AASS: variants seen among roughly 807,000 people sequenced by gnomAD.
AASS encodes aminoadipate-semialdehyde synthase.
AASS carries 86 observed loss-of-function variants against 105.4 expected under a neutral mutation model. The observed-to-expected ratio is 0.82, with a 90% confidence interval of 0.69 to 0.98. AASS has a LOEUF of 0.98. Among genes scored for constraint, AASS ranks in the 50% least tolerant of loss-of-function variants. The probability of loss-of-function intolerance (pLI) is 0.00; values close to 1 mark genes in which losing one functional copy is unlikely to be tolerated. For synonymous variants in AASS, 381 were observed against 394.8 expected, an observed-to-expected ratio of 0.96 and a Z score of 0.41; for missense variants, 1,048 against 1,143.2, an observed-to-expected ratio of 0.92 and a Z score of 1.20.
At chr7:122,093,011 G>A (rs1372009712) in intron 16 of AASS, 37 bp downstream of exon 16, 5 of 1,608,948 alleles carry the variant, frequency 3.1e-6, no homozygotes, top group East Asian at 2.2e-5. Flanking sequence ...ACAATGCCAT[G>A]GATCCACTCA....
chr7:122,123,093 T>G (rs1364981072), intron 4 of AASS, among the ~76,000 whole-genome samples: 1 of 152,148 alleles, frequency 6.6e-6, no homozygotes, highest in Non-Finnish European at 1.5e-5. Context: ...TTCCATAGAG[T>G]TCCCTGGCAA....
intron 19 of AASS, among the ~76,000 whole-genome samples, chr7:122,085,349 CT>C (rs533085632): frequency 2.0e-4 from 30 of 152,226 alleles, no homozygotes; most frequent in African/African-American, 6.5e-4. Flanking sequence ...CTTGTAACTG[CT>C]TTTTTTGTGA....
At chr7:122,126,624 C>G (rs1795668833) in intron 3 of AASS, among the ~76,000 whole-genome samples, 165 bp from the exon 4 acceptor site, 1 of 152,044 alleles carries the variant, frequency 6.6e-6, no homozygotes, top group Non-Finnish European at 1.5e-5. Flanking sequence ...TAGAAAACGC[C>G]AGGTAGCAAA....
In AASS at chr7:122,098,364, T is replaced by C. The variant is rs566072035; in HGVS notation, c.1655+86A>G. 93 of 1,509,258 alleles carry C rather than the reference T, an allele frequency of 6.2e-5. No homozygotes were observed. The South Asian group carries it at 8.6e-4, about 14-fold the overall frequency. 93.5% of individuals were successfully genotyped at this position (1,509,258 alleles called of 1,614,324 possible). On this transcript the variant is annotated intron_variant, in intron 15 of 23. Transcript: ENST00000417368. ...TTAAAAACTTTACTCCAAAGGAGTA[T>C]GAAGAGAGGAGAAGTGAAAGAGAAA...
chr7:122,101,321 TC>T, intron 13 of AASS, 49 bp downstream of exon 13: 1 of 1,422,746 alleles, frequency 7.0e-7, no homozygotes, highest in Non-Finnish European at 9.9e-7. Context: ...ACTCATGAAT[TC>T]CAAGATAAGA....
At chr7:122,081,236 G>T (rs1436240498) in intron 20 of AASS, among the ~76,000 whole-genome samples, 4 of 152,152 alleles carry the variant, frequency 2.6e-5, no homozygotes, top group Non-Finnish European at 5.9e-5. Context: ...AATGCAGAGA[G>T]CAAAGGCATC....
Position 122,140,926 on chromosome 7 carries a change from A to G in AASS, c.-16+3235T>C, listed in dbSNP as rs538444404. 1.5e-3 allele frequency among the ~76,000 whole-genome samples: 231 copies of G among 152,284 alleles called. 1 individual carries two copies. The highest frequency in any genetic ancestry group is 5.2e-3 in the African/African-American group (217 of 41,560). The stretch of plus-strand genomic sequence containing the variant: ...ATATATTAAAATCCATGGTTTCCCA[A>G]GAAGCACTGGTGTCTGTAAATAAGT... On this transcript the variant is annotated intron_variant, in intron 1 of 23. Transcript: ENST00000417368.
chr7:122,077,774 C>T, intron 23 of AASS, 64 bp downstream of exon 23: 2 of 1,583,816 alleles, frequency 1.3e-6, no homozygotes, highest in Non-Finnish European at 1.7e-6. Flanking sequence ...TACTTGATGT[C>T]CAGGCACCAA....
Position 122,093,067 on chromosome 7 carries a change from G to A in AASS, c.1747C>T (p.Leu583=). ...MVTASYITPA[L]KELEKSVEDA... ...ACTTACCTCTTTTCCAATTCTTTTA[G>A]TGCTGGTGTGATGTAGCTTGCAGTG... Residue 583 remains leucine (L), a synonymous_variant, in exon 16 of 24, where the codon CTA becomes TTA. Transcript: ENST00000417368. 1 of 1,613,912 alleles carries A rather than the reference G, an allele frequency of 6.2e-7. No individual in the cohort carries two copies. Among genetic ancestry groups the A allele is most frequent in the Non-Finnish European group, 8.5e-7 (1 of 1,179,830 alleles).
intron 4 of AASS, among the ~76,000 whole-genome samples, chr7:122,120,978 G>C (rs1795414099): frequency 6.6e-6 from 1 of 151,928 alleles, no homozygotes; most frequent in African/African-American, 2.4e-5. Flanking sequence ...AGCCTATCTG[G>C]GAGTTTTTAG....
Position 122,113,775 on chromosome 7 carries a change from A to G in AASS, c.1044-55T>C. The G allele has an allele frequency of 3.1e-6, 5 of 1,596,800 alleles. 1 individual carries two copies. The highest frequency in any genetic ancestry group is 2.6e-6 in the Non-Finnish European group (3 of 1,174,518). ...GGATGAAATTCTGAAGTCTCCAACA[A>G]GACTAAAAAAAAAGGAGTTTGGAAC... On this transcript the variant is annotated intron_variant, in intron 9 of 23. Transcript: ENST00000417368.
At position 122,075,358 on chromosome 7, in the gene AASS, C is replaced by T. The variant is rs1792952961; in HGVS notation, c.*1131G>A. On this transcript the variant is annotated 3_prime_UTR_variant, in exon 24 of 24. Transcript: ENST00000417368. ...CTTGGATTACTATGCACAAAACCAC[C>T]ATATCGTCTCCCATCTCTATTTAGT... 2.0e-5 allele frequency among the ~76,000 whole-genome samples: 3 copies of T among 152,156 alleles called. No homozygotes were observed. Among genetic ancestry groups the T allele is most frequent in the African/African-American group, 7.2e-5 (3 of 41,426 alleles).
At chr7:122,082,789 T>C (rs1338313745) in intron 19 of AASS, 4 of 1,284,670 alleles carry the variant, frequency 3.1e-6, no homozygotes, top group African/African-American at 1.5e-5. Flanking sequence ...GGAACTCACA[T>C]AGATGGGGCT....
intron 19 of AASS, among the ~76,000 whole-genome samples, chr7:122,085,578 C>T (rs1013855503): frequency 3.9e-5 from 6 of 151,970 alleles, no homozygotes; most frequent in Non-Finnish European, 7.4e-5. Context: ...TCCCACTGAC[C>T]TTAGGGAGCT....
At position 122,126,584 on chromosome 7, in the gene AASS, A is replaced by C. The variant is rs2302338; in HGVS notation, c.388-125T>G. ...GAAATACACCTTAACTTGCTAACAG[A>C]AGCTACCATCAGGTATACCATGAAA... On this transcript the variant is annotated intron_variant, in intron 3 of 23. Coordinates refer to ENST00000417368, the MANE Select transcript of AASS (RefSeq NM_005763.4). 3 of 806,058 alleles carry C rather than the reference A, an allele frequency of 3.7e-6. No individual in the cohort carries two copies. The African/African-American group carries it at 5.1e-5, about 14-fold the overall frequency. The allele number at this position is 806,058 out of a possible 1,614,324, so 49.9% of individuals were successfully genotyped here. A position where few individuals can be genotyped will look rare whatever the true frequency, so the allele number is the denominator to read the frequency against.
At chr7:122,082,948 A>G in intron 19 of AASS, 2 of 1,079,016 alleles carry the variant, frequency 1.9e-6, no homozygotes, top group Non-Finnish European at 2.5e-6. Flanking sequence ...GAAGTGAAGA[A>G]AGACCATAAT....
rs1313449958 is a variant in AASS, at chr7:122,116,970, C to G, written c.688-13G>C. The G allele has an allele frequency of 2.5e-6, 4 of 1,610,986 alleles. No individual in the cohort carries two copies. In the African/African-American group the frequency reaches 5.3e-5, roughly 22 times the overall value. On this transcript the variant is annotated splice_polypyrimidine_tract_variant and intron_variant, in intron 6 of 23. Transcript: ENST00000417368. The stretch of plus-strand genomic sequence containing the variant: ...TTGCTTGGGCTCCCTACAAATAACA[C>G]ATGAGTAAAAATCCAAAAATCAATA...
At chr7:122,115,918 G>A (rs2150536333) in intron 8 of AASS, among the ~76,000 whole-genome samples, 1 of 152,208 alleles carries the variant, frequency 6.6e-6, no homozygotes, top group East Asian at 1.9e-4. Context: ...CACGATATAA[G>A]GGCTAAACTT....
At chr7:122,106,121 A>ATTAATTGTTTATCAGCTTAAATTTT in intron 11 of AASS, among the ~76,000 whole-genome samples, 1 of 152,014 alleles carries the variant, frequency 6.6e-6, no homozygotes, top group South Asian at 2.1e-4. Flanking sequence ...GGCTAAGACT[A>ATTAATTGTTTATCAGCTTAAATTTT]GGGGGTTGTC....
Sources: gnomAD v4.1 joint callset for allele counts (sites outside exome capture counted in the v4.1 genomes callset) on GRCh38, gnomAD v4.1.1 for gene constraint, MANE v1.5 for transcripts, NCBI Gene and HGNC (gene_info 2026-07-23, HGNC 2026-07-21) for gene names.